DENND4A: variants seen among roughly 807,000 people sequenced by gnomAD.
DENND4A encodes C-myc promoter-binding protein.
A neutral mutation model predicts 199.3 loss-of-function variants in DENND4A; 70 were observed. The ratio of observed to expected loss-of-function variants is 0.35; its 90% CI spans 0.29 to 0.43. DENND4A has a LOEUF of 0.43. Among genes scored for constraint, DENND4A ranks in the 20% least tolerant of loss-of-function variants. DENND4A has a pLI of 1.00. For synonymous variants in DENND4A, 686 were observed against 766.9 expected (o/e 0.89, Z 1.74); for missense variants, 1,723 against 2,255.8 (o/e 0.76, Z 4.78).
intron 23 of DENND4A, among the ~76,000 whole-genome samples, chr15:65,683,549 A>G (rs1337864602): frequency 4.6e-5 from 7 of 152,150 alleles, no homozygotes; most frequent in Non-Finnish European, 8.8e-5. Flanking sequence ...GTTGTATCCC[A>G]CAAATTTTGA....
At chr15:65,779,545 T>C (rs1406171772) in intron 1 of DENND4A, among the ~76,000 whole-genome samples, 1 of 152,104 alleles carries the variant, frequency 6.6e-6, no homozygotes, top group East Asian at 1.9e-4. Flanking sequence ...GGCTGGGGTG[T>C]GTGGCACAAT....
chr15:65,703,448 AG>A (rs1488795468), intron 15 of DENND4A, among the ~76,000 whole-genome samples: 1 of 152,228 alleles, frequency 6.6e-6, no homozygotes, highest in Non-Finnish European at 1.5e-5. Flanking sequence ...CTCCCTTCTT[AG>A]AAAGATGCAA....
chr15:65,727,847 T>G (rs1476509450), intron 11 of DENND4A: 1 of 399,394 alleles, frequency 2.5e-6, no homozygotes, highest in African/African-American at 2.1e-5. Context: ...TTAAAAATAG[T>G]TCCGATAGCT....
intron 23 of DENND4A, among the ~76,000 whole-genome samples, chr15:65,687,867 GT>G (rs1206990115): frequency 6.6e-6 from 1 of 152,176 alleles, no homozygotes; most frequent in Non-Finnish European, 1.5e-5. Flanking sequence ...GTGTGCAAGT[GT>G]GGTTTTGAGT....
At chr15:65,750,794 G>A (rs925184807) in intron 4 of DENND4A, among the ~76,000 whole-genome samples, 2 of 151,916 alleles carry the variant, frequency 1.3e-5, no homozygotes, top group Admixed American at 1.3e-4. Flanking sequence ...ATCATGCATG[G>A]GAGGACTTTG....
rs1326149848 is a variant in DENND4A at position 65,700,565 on chromosome 15, T to C, written c.2812A>G (p.Thr938Ala). Residue 938 changes from threonine (T) to alanine (A), a missense_variant, in exon 20 of 33, where the codon ACT becomes GCT. Around this residue, in one of 6 missense-constraint regions of DENND4A, gnomAD observed 650 missense variants for 738.1 expected, o/e 0.88. Transcript: ENST00000443035. ...FNTGLIKVYA[T>A]DDRSSTGGQS... ...AAACCTGTACTAGATCTATCATCAG[T>C]AGCATATACTTTGATTAAACCCGTA... 3 of 1,536,070 alleles carry C rather than the reference T, an allele frequency of 2.0e-6. No homozygotes were observed. The highest frequency in any genetic ancestry group is 2.6e-6 in the Non-Finnish European group (3 of 1,139,556).
At chr15:65,757,274 G>C (rs969314574) in intron 2 of DENND4A, among the ~76,000 whole-genome samples, 2 of 140,436 alleles carry the variant, frequency 1.4e-5, no homozygotes, top group South Asian at 2.5e-4. Flanking sequence ...GGGGGGGGGG[G>C]GTCTCACTAT....
At chr15:65,763,442 C>CT (rs1173729965) in intron 1 of DENND4A, among the ~76,000 whole-genome samples, 1 of 152,026 alleles carries the variant, frequency 6.6e-6, no homozygotes, top group African/African-American at 2.4e-5. Context: ...AATCCCAGCA[C>CT]TTTGGGAGGT....
chr15:65,731,068 G>A (rs2075943090), intron 9 of DENND4A, among the ~76,000 whole-genome samples: 1 of 151,972 alleles, frequency 6.6e-6, no homozygotes, highest in African/African-American at 2.4e-5. Context: ...TAATGTCAAA[G>A]ATGGCAGCTA....
intron 1 of DENND4A, among the ~76,000 whole-genome samples, chr15:65,790,210 A>G (rs745666989): frequency 3.3e-5 from 5 of 152,240 alleles, no homozygotes; most frequent in Admixed American, 1.3e-4. Context: ...GAACTTGAGA[A>G]TCAATAACTC....
At chr15:65,756,500 C>T (rs748208223) in intron 2 of DENND4A, 28 bp from the exon 3 acceptor site, 2 of 1,493,744 alleles carry the variant, frequency 1.3e-6, no homozygotes, top group Non-Finnish European at 1.8e-6. Context: ...GACTAGTACT[C>T]CCCTATAATA....
intron 27 of DENND4A, 51 bp from the exon 28 acceptor site, chr15:65,668,174 C>T: frequency 8.3e-7 from 1 of 1,207,330 alleles, no homozygotes; most frequent in Non-Finnish European, 1.1e-6. Context: ...ATTTACTTTA[C>T]TTCATCAACA....
chr15:65,684,591 T>C (rs998881519), intron 23 of DENND4A, among the ~76,000 whole-genome samples: 13 of 152,224 alleles, frequency 8.5e-5, no homozygotes, highest in African/African-American at 3.1e-4. Context: ...GAGTTGTTTG[T>C]ATATTATGGA....
chr15:65,717,649 T>C, intron 13 of DENND4A, 129 bp downstream of exon 13: 1 of 838,654 alleles, frequency 1.2e-6, no homozygotes, highest in Non-Finnish European at 1.8e-6. Flanking sequence ...CCAACAAAGC[T>C]AGTATTCAGA....
In DENND4A at chr15:65,735,021, T is replaced by G. The variant is rs191646814; in HGVS notation, c.1041-2203A>C. Among the ~76,000 whole-genome samples, 1,082 of 152,294 alleles carry G rather than the reference T, an allele frequency of 7.1e-3. 5 individuals carry two copies. The highest frequency in any genetic ancestry group is 0.011 in the Non-Finnish European group (725 of 68,006). On this transcript the variant is annotated intron_variant, in intron 7 of 32. Coordinates refer to ENST00000443035, the MANE Select transcript of DENND4A (RefSeq NM_001320835.1). ...TGGCTTGAGCCCAGGAGGTCCAGGC[T>G]GCAGTTAGCCATGATCATGCCACTG...
intron 16 of DENND4A, 28 bp from the exon 17 acceptor site, chr15:65,702,539 T>C: frequency 4.6e-6 from 7 of 1,525,102 alleles, no homozygotes; most frequent in African/African-American, 1.4e-5. Flanking sequence ...ATCTTACTAA[T>C]AAATTTATGC....
At chr15:65,709,719 A>AAAAAATATATATATATATAT (rs1218030026) in intron 14 of DENND4A, among the ~76,000 whole-genome samples, 2 of 51,470 alleles carry the variant, frequency 3.9e-5, no homozygotes, top group East Asian at 1.9e-3. Flanking sequence ...AAAAAAAAAA[A>AAAAAATATATATATATATAT]ATATATATAT....
chr15:65,771,168 C>T (rs768093321), intron 1 of DENND4A: 208 of 1,577,880 alleles, frequency 1.3e-4, no homozygotes, highest in Non-Finnish European at 1.7e-4. Flanking sequence ...ATAAAAATTC[C>T]AGTTCATCCT....
At chr15:65,663,198 A>ATTTTTTTT (rs139708249) in intron 32 of DENND4A, among the ~76,000 whole-genome samples, 6 of 112,342 alleles carry the variant, frequency 5.3e-5, no homozygotes, top group African/African-American at 1.9e-4. Context: ...ATATATATAT[A>ATTTTTTTT]TTTTTTTTTT....
Sources: allele counts gnomAD v4.1 joint callset (sites outside exome capture counted in the v4.1 genomes callset), GRCh38; gene constraint gnomAD v4.1.1; regional missense constraint gnomAD v4.1.1; transcripts MANE v1.5; gene names NCBI Gene and HGNC (gene_info 2026-07-23, HGNC 2026-07-21).